The following UMODL1 variants were observed in gnomAD, a reference collection of about 807,000 sequenced individuals.
UMODL1 encodes uromodulin-like 1.
UMODL1 carries 128 observed loss-of-function variants against 136.3 expected under a neutral mutation model. The ratio of observed to expected loss-of-function variants is 0.94; its 90% CI spans 0.81 to 1.09. The LOEUF (loss-of-function observed/expected upper bound fraction) is 1.09, where lower values mean the gene tolerates loss of function less well. UMODL1 is among the 50% of genes least tolerant of loss of function. UMODL1 has a pLI of 0.00. For missense variants in UMODL1, 1,766 were observed against 1,725.6 expected (o/e 1.02, Z -0.41); for synonymous variants, 721 against 720.0 (o/e 1.00, Z -0.02).
chr21:42,070,383 T>C (rs1049609491), upstream of UMODL1, among the ~76,000 whole-genome samples: 1 of 152,228 alleles, frequency 6.6e-6, no homozygotes, highest in African/African-American at 2.4e-5. Flanking sequence ...AGAAAGAACT[T>C]AACATGAGAT....
Position 42,110,942 on chromosome 21 carries a change from C to T in UMODL1, c.1720C>T (p.Leu574Phe). The change falls in exon 11 of 23, where the codon CTT (leucine) becomes TTT (phenylalanine). Residue 574 changes from leucine to phenylalanine, a missense_variant. Leu to Phe is a conservative substitution (Grantham distance 22). Coordinates refer to ENST00000408910, the MANE Select transcript of UMODL1 (RefSeq NM_001004416.3). The stretch of plus-strand genomic sequence containing the variant: ...GGCAACAGGGGTAACGGTCCCAGGT[C>T]TTGGCACGGGAACAGCAGCCCTCGG... ...SAATGVTVPG[L>F]GTGTAALGLE... is the part of the protein sequence containing the mutation. 1 of 1,613,108 alleles carries T rather than the reference C, an allele frequency of 6.2e-7. No individual in the cohort carries two copies. The highest frequency in any genetic ancestry group is 8.5e-7 in the Non-Finnish European group (1 of 1,179,812).
chr21:42,076,511 C>G (rs1047161020), intron 2 of UMODL1, among the ~76,000 whole-genome samples: 3 of 152,126 alleles, frequency 2.0e-5, no homozygotes, highest in Non-Finnish European at 4.4e-5. Context: ...GCCCAGGGAC[C>G]CCACTTTGAG....
intron 14 of UMODL1, among the ~76,000 whole-genome samples, chr21:42,116,262 G>A (rs1190952517): frequency 6.6e-6 from 1 of 151,776 alleles, no homozygotes; most frequent in Non-Finnish European, 1.5e-5. Flanking sequence ...GCTAAGGCAG[G>A]AGAATCTCTT....
In UMODL1 at chr21:42,110,939, G is replaced by A; in HGVS notation, c.1717G>A (p.Gly573Ser). The A allele has an allele frequency of 6.2e-7, 1 of 1,613,034 alleles. No homozygotes were observed. Among genetic ancestry groups the A allele is most frequent in the Non-Finnish European group, 8.5e-7 (1 of 1,179,782 alleles). Residue 573 changes from glycine (G) to serine (S), a missense_variant, in exon 11 of 23, where the codon GGT (glycine) becomes AGT (serine). Physicochemically the swap from Gly to Ser is moderately conservative, Grantham distance 56. Coordinates refer to ENST00000408910, the MANE Select transcript of UMODL1 (RefSeq NM_001004416.3). The part of the protein sequence containing the change: ...LSAATGVTVP[G>S]LGTGTAALGL... ...TGCGGCAACAGGGGTAACGGTCCCA[G>A]GTCTTGGCACGGGAACAGCAGCCCT...
At chr21:42,075,831 G>A (rs777553744) in intron 1 of UMODL1, among the ~76,000 whole-genome samples, 174 bp from the exon 2 acceptor site, 1 of 152,262 alleles carries the variant, frequency 6.6e-6, no homozygotes, top group Non-Finnish European at 1.5e-5. Context: ...AGCCTTCCTG[G>A]TGCACTAGCA....
At chr21:42,073,066 C>T (rs1025057344) in intron 1 of UMODL1, among the ~76,000 whole-genome samples, 2 of 152,192 alleles carry the variant, frequency 1.3e-5, no homozygotes, top group African/African-American at 2.4e-5. Flanking sequence ...GTGTGCAGGA[C>T]GGCTCTGCTG....
chr21:42,134,649 C>T (rs561472163), intron 21 of UMODL1, among the ~76,000 whole-genome samples: 8 of 152,230 alleles, frequency 5.3e-5, no homozygotes, highest in Admixed American at 2.0e-4. Context: ...GAGTCTCGCT[C>T]TGTTGCCCAG....
intron 1 of UMODL1, among the ~76,000 whole-genome samples, chr21:42,064,616 G>A (rs945841249): frequency 3.3e-5 from 5 of 152,190 alleles, no homozygotes; most frequent in African/African-American, 1.2e-4. Context: ...GAGTGCAAAG[G>A]TGTGATCTCG....
At chr21:42,111,385 G>C in intron 11 of UMODL1, 121 bp from the exon 12 acceptor site, 1 of 1,612,108 alleles carries the variant, frequency 6.2e-7, no homozygotes. Context: ...CCAGCCAGGC[G>C]AGCCCCAGCC....
intron 13 of UMODL1, among the ~76,000 whole-genome samples, chr21:42,115,131 T>C (rs992524833): frequency 3.3e-5 from 5 of 152,222 alleles, no homozygotes; most frequent in Non-Finnish European, 5.9e-5. Flanking sequence ...GAGCTGTGTC[T>C]TTCTCCTTCA....
chr21:42,121,739 G>A lies in UMODL1; in HGVS notation c.2827+515G>A, dbSNP rs150946724. ...GTGGGCATTTATACCAGTGAGTGTG[G>A]TATCCGGGGGGCTATAGAACGTGTC... On this transcript the variant is annotated intron_variant, in intron 16 of 22. Coordinates refer to ENST00000408910, the MANE Select transcript of UMODL1 (RefSeq NM_001004416.3). 1.0e-3 allele frequency among the ~76,000 whole-genome samples: 157 copies of A among 152,336 alleles called. 1 individual carries two copies. The highest frequency in any genetic ancestry group is 3.6e-3 in the African/African-American group (151 of 41,574).
intron 1 of UMODL1, among the ~76,000 whole-genome samples, chr21:42,064,177 G>C (rs2066165038): frequency 6.6e-6 from 1 of 152,162 alleles, no homozygotes; most frequent in Non-Finnish European, 1.5e-5. Flanking sequence ...TGCCGGCCGT[G>C]CCTCTGCAGG....
intron 13 of UMODL1, 139 bp downstream of exon 13, chr21:42,113,969 T>C (rs1421865454): frequency 1.6e-6 from 2 of 1,265,650 alleles, no homozygotes; most frequent in Admixed American, 5.5e-5. Context: ...GACATCCGGC[T>C]GGCTTCAGCA....
Position 42,138,849 on chromosome 21 carries a change from A to G in UMODL1, c.*21+1208A>G, listed in dbSNP as rs2067243296. Among the ~76,000 whole-genome samples, 4 of 152,166 alleles carry G rather than the reference A, an allele frequency of 2.6e-5. No homozygotes were observed. In the South Asian group the frequency reaches 8.3e-4, roughly 32 times the overall value. On this transcript the variant is annotated intron_variant, in intron 22 of 22. Transcript: ENST00000408910. ...CTCGGCCTCTCAAAGTGCTGGGATT[A>G]CAGGCGTGAGCCACCGTGCCCGGCC...
upstream of UMODL1, among the ~76,000 whole-genome samples, chr21:42,066,425 G>C (rs1211231355): frequency 1.3e-5 from 2 of 152,320 alleles, no homozygotes; most frequent in East Asian, 3.9e-4. Context: ...TAGGATTACA[G>C]GTGTGTGTCA....
intron 11 of UMODL1, 63 bp from the exon 12 acceptor site, chr21:42,111,443 A>C (rs220128): frequency 0.51 from 830,690 of 1,613,566 alleles, 218,412 homozygotes; most frequent in Non-Finnish European, 0.54. Context: ...CCCGAAGGCT[A>C]CTGGGTCAAC....
intron 22 of UMODL1, among the ~76,000 whole-genome samples, chr21:42,140,623 T>A (rs369291451): frequency 0.022 from 3,407 of 152,194 alleles, 45 homozygotes; most frequent in South Asian, 0.029. Flanking sequence ...GAATTTGTAT[T>A]TTAGCAGCTG....
chr21:42,136,658 G>T (rs220173), intron 21 of UMODL1, among the ~76,000 whole-genome samples: 1 of 152,014 alleles, frequency 6.6e-6, no homozygotes, highest in Non-Finnish European at 1.5e-5. Context: ...CTGTGAACAG[G>T]GGTGTACAAA....
chr21:42,070,859 G>A (rs950149848), upstream of UMODL1, among the ~76,000 whole-genome samples: 7 of 152,342 alleles, frequency 4.6e-5, no homozygotes, highest in African/African-American at 7.2e-5. Flanking sequence ...TGTGAAGGAC[G>A]CTTTTCTGAA....
Sources: allele counts gnomAD v4.1 joint callset (sites outside exome capture counted in the v4.1 genomes callset), GRCh38; gene constraint gnomAD v4.1.1; transcripts MANE v1.5; gene names NCBI Gene and HGNC (gene_info 2026-07-23, HGNC 2026-07-21).